TAF4B: variants seen among roughly 807,000 people sequenced by gnomAD.
TAF4B encodes transcription initiation factor TFIID subunit 4B.
TAF4B carries 38 observed loss-of-function variants against 86.4 expected under a neutral mutation model. The observed-to-expected ratio is 0.44, with a 90% CI of 0.34 to 0.58. The LOEUF (loss-of-function observed/expected upper bound fraction) is 0.58. TAF4B is among the 20% of genes least tolerant of loss of function. The pLI, the probability that TAF4B is intolerant of heterozygous loss-of-function variation, is 0.02. For missense variants in TAF4B, 988 were observed against 1,027.6 expected (o/e 0.96, Z 0.53); for synonymous variants, 388 against 391.2 (o/e 0.99, Z 0.10).
intron 14 of TAF4B, among the ~76,000 whole-genome samples, chr18:26,366,673 T>C (rs1282733779): frequency 6.6e-6 from 1 of 152,212 alleles, no homozygotes; most frequent in Admixed American, 6.5e-5. Flanking sequence ...AAGGAAACAA[T>C]AGAAGAATAT....
At chr18:26,308,486 CTTAT>C (rs1003150118) in intron 9 of TAF4B, among the ~76,000 whole-genome samples, 3 of 152,092 alleles carry the variant, frequency 2.0e-5, no homozygotes, top group Non-Finnish European at 4.4e-5. Context: ...TAGGGCATAT[CTTAT>C]TTATTTGTCA....
At chr18:26,275,614 T>G (rs2056374766) in intron 5 of TAF4B, among the ~76,000 whole-genome samples, 1 of 152,182 alleles carries the variant, frequency 6.6e-6, no homozygotes, top group African/African-American at 2.4e-5. Context: ...TACAACATGA[T>G]GTTTTGATAT....
intron 1 of TAF4B, chr18:26,256,059 T>A (rs2056079644): frequency 7.5e-7 from 1 of 1,328,638 alleles, no homozygotes; most frequent in Non-Finnish European, 1.1e-6. Flanking sequence ...TTTATCTTGT[T>A]CCCAGATAGA....
chr18:26,292,053 G>A (rs935031180), intron 7 of TAF4B, among the ~76,000 whole-genome samples, 193 bp from the exon 8 acceptor site: 1 of 152,186 alleles, frequency 6.6e-6, no homozygotes, highest in African/African-American at 2.4e-5. Context: ...TGAAAATAAT[G>A]TATGTGAGAT....
At chr18:26,326,562 T>C (rs937417406) in intron 11 of TAF4B, among the ~76,000 whole-genome samples, 1 of 152,214 alleles carries the variant, frequency 6.6e-6, no homozygotes, top group Non-Finnish European at 1.5e-5. Flanking sequence ...TCATCTTTGG[T>C]ATATTTTTTA....
At chr18:26,236,712 A>G (rs1280475168) in intron 1 of TAF4B, among the ~76,000 whole-genome samples, 1 of 152,120 alleles carries the variant, frequency 6.6e-6, no homozygotes, top group East Asian at 1.9e-4. Flanking sequence ...TCTGAGGGCC[A>G]TGACTAAGGC....
intron 14 of TAF4B, among the ~76,000 whole-genome samples, chr18:26,371,556 A>G (rs904516386): frequency 6.6e-6 from 1 of 152,194 alleles, no homozygotes; most frequent in Non-Finnish European, 1.5e-5. Flanking sequence ...GGTGAATGTG[A>G]TTACCGTAAT....
intron 1 of TAF4B, among the ~76,000 whole-genome samples, chr18:26,254,332 T>A (rs2056050170): frequency 6.6e-6 from 1 of 152,190 alleles, no homozygotes; most frequent in Non-Finnish European, 1.5e-5. Context: ...ATCTTTTGGT[T>A]TTGTTGATTT....
intron 9 of TAF4B, among the ~76,000 whole-genome samples, chr18:26,295,872 A>AGGT (rs1012657377): frequency 2.6e-5 from 4 of 152,014 alleles, no homozygotes; most frequent in African/African-American, 9.7e-5. Flanking sequence ...TATGTTGTAA[A>AGGT]GGTGGTGGTT....
intron 9 of TAF4B, among the ~76,000 whole-genome samples, chr18:26,301,413 A>T (rs1191361948): frequency 6.6e-6 from 1 of 151,794 alleles, no homozygotes; most frequent in African/African-American, 2.4e-5. Context: ...CAGCCTCCCA[A>T]GTAGCTGGGA....
chr18:26,325,870 T>A (rs1484818290), intron 11 of TAF4B, among the ~76,000 whole-genome samples: 1 of 152,222 alleles, frequency 6.6e-6, no homozygotes, highest in Non-Finnish European at 1.5e-5. Flanking sequence ...ATATCCTTGT[T>A]CCTTAAACTA....
chr18:26,269,221 T>TTACAA (rs561504427), intron 3 of TAF4B, among the ~76,000 whole-genome samples: 2 of 129,028 alleles, frequency 1.6e-5, no homozygotes, highest in African/African-American at 5.2e-5. Flanking sequence ...CACAAAGTCC[T>TTACAA]CCAGTGAGTG....
intron 13 of TAF4B, among the ~76,000 whole-genome samples, chr18:26,356,266 A>G (rs1427348382): frequency 2.0e-5 from 3 of 152,288 alleles, no homozygotes; most frequent in Non-Finnish European, 2.9e-5. Context: ...CACCTCCCAG[A>G]GGCCCCATCT....
intron 13 of TAF4B, among the ~76,000 whole-genome samples, chr18:26,335,720 A>G (rs1038059977): frequency 6.6e-6 from 1 of 152,164 alleles, no homozygotes; most frequent in Admixed American, 6.5e-5. Flanking sequence ...TGTTTCACAC[A>G]GTTCATGTTT....
chr18:26,306,154 AT>A (rs1455617055), intron 9 of TAF4B, among the ~76,000 whole-genome samples: 1 of 152,010 alleles, frequency 6.6e-6, no homozygotes, highest in African/African-American at 2.4e-5. Flanking sequence ...GTACAATTTT[AT>A]TTATTTATTA....
At chr18:26,257,576 G>C (rs888939770) in intron 1 of TAF4B, among the ~76,000 whole-genome samples, 1 of 152,022 alleles carries the variant, frequency 6.6e-6, no homozygotes, top group Non-Finnish European at 1.5e-5. Context: ...GACTTAGCCT[G>C]CCATTTACTT....
At chr18:26,379,566 G>A (rs1253383861) in intron 14 of TAF4B, among the ~76,000 whole-genome samples, 4 of 151,960 alleles carry the variant, frequency 2.6e-5, no homozygotes, top group African/African-American at 9.7e-5. Context: ...CTCTATTTAT[G>A]CCATACTACA....
chr18:26,271,779 C>A (rs966391475), intron 3 of TAF4B, among the ~76,000 whole-genome samples: 1 of 151,780 alleles, frequency 6.6e-6, no homozygotes, highest in African/African-American at 2.4e-5. Flanking sequence ...CAAAAATGAG[C>A]CGGGTGGTGT....
intron 11 of TAF4B, 31 bp from the exon 12 acceptor site, chr18:26,326,984 A>C (rs747786574): frequency 6.2e-6 from 10 of 1,605,630 alleles, no homozygotes; most frequent in African/African-American, 2.7e-5. Flanking sequence ...CAGGATCATT[A>C]TAAGACTTTC....
Sources: gnomAD v4.1 joint callset for allele counts (sites outside exome capture counted in the v4.1 genomes callset) on GRCh38, gnomAD v4.1.1 for gene constraint, MANE v1.5 for transcripts, NCBI Gene and HGNC (gene_info 2026-07-23, HGNC 2026-07-21) for gene names.